The following DENND3 variants were observed in gnomAD, a reference collection of about 807,000 sequenced individuals.
DENND3 encodes the protein DENN domain-containing protein 3.
In DENND3, 88 loss-of-function variants were observed where a neutral mutation model predicts 135.1. The observed-to-expected ratio is 0.65, with a 90% CI of 0.55 to 0.78. DENND3 has a LOEUF of 0.78. Among genes scored for constraint, DENND3 ranks in the 30% least tolerant of loss-of-function variants. The probability of loss-of-function intolerance (pLI) is 0.00; values close to 1 mark genes in which losing one functional copy is unlikely to be tolerated. For missense variants in DENND3, 1,392 were observed against 1,688.4 expected (o/e 0.82, Z 3.08); for synonymous variants, 693 against 712.3 (o/e 0.97, Z 0.43).
chr8:141,185,076 A>G, intron 17 of DENND3, 63 bp from the exon 18 acceptor site: 1 of 1,563,848 alleles, frequency 6.4e-7, no homozygotes, highest in Non-Finnish European at 8.7e-7. Flanking sequence ...TAAGGGCACC[A>G]GTCACCTGCT....
rs1011960255 is a variant in DENND3, at chr8:141,147,600, G to A, written c.736-3234G>A. Among the ~76,000 whole-genome samples, 7 of 152,310 alleles carry A rather than the reference G, an allele frequency of 4.6e-5. No individual in the cohort carries two copies. The South Asian group carries it at 1.0e-3, about 23-fold the overall frequency. On this transcript the variant is annotated intron_variant, in intron 5 of 22. Coordinates refer to ENST00000519811, the MANE Select transcript of DENND3 (RefSeq NM_001352890.3). ...CTCTCAGCGGTCAGGTCTTCGGATC[G>A]TCTTCTCTGAGTGACCCCCACTCCC...
At chr8:141,160,101 G>A (rs997023529) in intron 8 of DENND3, among the ~76,000 whole-genome samples, 1 of 152,124 alleles carries the variant, frequency 6.6e-6, no homozygotes, top group African/African-American at 2.4e-5. Context: ...TGGGTGAAGT[G>A]TGCATAGTCC....
At chr8:141,140,361 C>T (rs750212155) in intron 3 of DENND3, among the ~76,000 whole-genome samples, 20 of 152,166 alleles carry the variant, frequency 1.3e-4, no homozygotes, top group East Asian at 3.8e-4. Flanking sequence ...CAGCCACGCG[C>T]GCGTGTGAGC....
At chr8:141,178,008 T>C in intron 15 of DENND3, 59 bp from the exon 16 acceptor site, 2 of 1,544,796 alleles carry the variant, frequency 1.3e-6, no homozygotes, top group Non-Finnish European at 1.8e-6. Flanking sequence ...CAACAAGGTC[T>C]CCGGTGAACT....
intron 1 of DENND3, among the ~76,000 whole-genome samples, chr8:141,132,716 G>C (rs760593413): frequency 1.1e-4 from 16 of 152,184 alleles, no homozygotes; most frequent in Non-Finnish European, 2.4e-4. Flanking sequence ...AAAGACAACA[G>C]AGATTTCATT....
chr8:141,175,779 G>A lies in DENND3; in HGVS notation c.2535+320G>A, dbSNP rs530308438. On this transcript the variant is annotated intron_variant, in intron 14 of 22. Transcript: ENST00000519811. This position sits in a 1 kb window ranked among gnomAD's most constrained non-coding sequence, Gnocchi z 5.4. ...ACATTCTCATTAGGGACAGTAGGACGCCTTCGTTCATCCATGAGATGTTTA... is the reference window on the plus strand; with the variant it reads ...ACATTCTCATTAGGGACAGTAGGACACCTTCGTTCATCCATGAGATGTTTA... 1.2e-4 allele frequency: 48 copies of A among 390,454 alleles called. No individual in the cohort carries two copies. The highest frequency in any genetic ancestry group is 8.1e-4 in the East Asian group (14 of 17,352). The allele number at this position is 390,454 out of a possible 1,614,324, so 24.2% of individuals were successfully genotyped here.
At chr8:141,177,876 C>A (rs1822599270) in intron 15 of DENND3, 191 bp from the exon 16 acceptor site, 2 of 695,452 alleles carry the variant, frequency 2.9e-6, no homozygotes, top group Admixed American at 3.6e-5. Context: ...CTGGTATAAA[C>A]AATCAATATT....
chr8:141,175,158 T>G lies in DENND3; in HGVS notation c.2276-42T>G. ...AGAAGCCCTTGGGGCTCCCGAGGTA[T>G]GTGGCTGTAAGATACCTCTCTTTTC... On this transcript the variant is annotated intron_variant, in intron 13 of 22. Coordinates refer to ENST00000519811, the MANE Select transcript of DENND3 (RefSeq NM_001352890.3). The surrounding 1 kb of genome is among the most constrained non-coding windows in gnomAD (Gnocchi z 5.4). 1.3e-6 allele frequency: 2 copies of G among 1,577,678 alleles called. No individual in the cohort carries two copies. Among genetic ancestry groups the G allele is most frequent in the African/African-American group, 1.4e-5 (1 of 73,726 alleles).
In DENND3 at chr8:141,182,482, T is replaced by G. The variant is rs1252512485; in HGVS notation, c.2944+1628T>G. 1 of 985,282 alleles carries G rather than the reference T, an allele frequency of 1.0e-6. No homozygotes were observed. Among genetic ancestry groups the G allele is most frequent in the Non-Finnish European group, 1.2e-6 (1 of 829,920 alleles). 61.0% of individuals were successfully genotyped at this position (985,282 alleles called of 1,614,324 possible). The stretch of plus-strand genomic sequence containing the variant: ...AGATACTTTGACCGTGGCATTTGAA[T>G]ACATGGTATTTTTAGGTCCCGGTTG... On this transcript the variant is annotated intron_variant, in intron 17 of 22. Transcript: ENST00000519811. This position sits in a 1 kb window ranked among gnomAD's most constrained non-coding sequence, Gnocchi z 5.9.
intron 16 of DENND3, among the ~76,000 whole-genome samples, chr8:141,178,418 C>T (rs1231463650): frequency 1.3e-5 from 2 of 152,228 alleles, no homozygotes; most frequent in Non-Finnish European, 2.9e-5. Context: ...AATTGAGGCA[C>T]CTCGTCGTTT....
chr8:141,171,608 C>T (rs528708289), intron 13 of DENND3, among the ~76,000 whole-genome samples: 8 of 152,300 alleles, frequency 5.3e-5, no homozygotes, highest in Admixed American at 3.9e-4. Flanking sequence ...TCTACGTGGG[C>T]GTGTGCAACA....
chr8:141,180,537 C>G (rs1031108805), intron 16 of DENND3, among the ~76,000 whole-genome samples: 2 of 152,116 alleles, frequency 1.3e-5, no homozygotes, highest in African/African-American at 4.8e-5. Flanking sequence ...CCTGGCCACT[C>G]ACTCGCACAC....
In DENND3 at chr8:141,137,877, G is replaced by A. The variant is rs191194553; in HGVS notation, c.386-145G>A. 85 of 724,806 alleles carry A rather than the reference G, an allele frequency of 1.2e-4. No individual in the cohort carries two copies. The highest frequency in any genetic ancestry group is 6.0e-5 in the Non-Finnish European group (27 of 448,278). The allele number at this position is 724,806 out of a possible 1,614,324, so 44.9% of individuals were successfully genotyped here. On this transcript the variant is annotated intron_variant, in intron 2 of 22. Transcript: ENST00000519811. The surrounding 1 kb of genome is among the most constrained non-coding windows in gnomAD (Gnocchi z 4.1). ...AGGATAGACGGCCGGAGGCGTGATC[G>A]GAAGAATGAACCCGCCTTGGACATG...
rs7839670 is a variant in DENND3, at chr8:141,137,002, C to T, written c.385+211C>T. On this transcript the variant is annotated intron_variant, in intron 2 of 22. Transcript: ENST00000519811. This position sits in a 1 kb window ranked among gnomAD's most constrained non-coding sequence, Gnocchi z 4.1. ...TATTTATTTATTTACTTTTTTGAGA[C>T]GGAGCGTCACTCTGTCACTCAGGCT... Among the ~76,000 whole-genome samples the T allele has an allele frequency of 8.5e-3, 1,286 of 152,002 alleles. 19 individuals carry two copies. Among genetic ancestry groups the T allele is most frequent in the African/African-American group, 0.027 (1,118 of 41,434 alleles).
chr8:141,165,270 A>T lies in DENND3; in HGVS notation c.1534A>T (p.Thr512Ser), dbSNP rs765973864. The T allele has an allele frequency of 6.2e-7, 1 of 1,614,040 alleles. No individual in the cohort carries two copies. Among genetic ancestry groups the T allele is most frequent in the Non-Finnish European group, 8.5e-7 (1 of 1,179,918 alleles). The change falls in exon 11 of 23, where the codon ACC (threonine) becomes TCC (serine). Residue 512 changes from threonine to serine, a missense_variant. Transcript: ENST00000519811. ...CGCCTTTGCTCAGATGGACCTCGAC[A>T]CCCAGTCGGAGGAGGACAGGTGCTT... is the stretch of plus-strand genomic sequence containing the variant. ...MDAFAQMDLDTQSEEDRINGM... is the reference protein window; with the variant it reads ...MDAFAQMDLDSQSEEDRINGM...
rs1817153331 is a variant in DENND3 at position 141,139,175 on chromosome 8, A to G, written c.501+1038A>G. Among the ~76,000 whole-genome samples the G allele has an allele frequency of 6.6e-6, 1 of 152,186 alleles. No homozygotes were observed. The highest frequency in any genetic ancestry group is 1.5e-5 in the Non-Finnish European group (1 of 68,040). ...CCATGAAGGGAAGTCTGTGAGTTCC[A>G]TGCAGTCGAGAGAAATGGCTGGCCT... On this transcript the variant is annotated intron_variant, in intron 3 of 22. Coordinates refer to ENST00000519811, the MANE Select transcript of DENND3 (RefSeq NM_001352890.3). This position sits in a 1 kb window ranked among gnomAD's most constrained non-coding sequence, Gnocchi z 4.2.
At chr8:141,156,640 C>CT (rs1198993934) in intron 8 of DENND3, among the ~76,000 whole-genome samples, 1 of 152,122 alleles carries the variant, frequency 6.6e-6, no homozygotes, top group Non-Finnish European at 1.5e-5. Flanking sequence ...TGGGCAGTGC[C>CT]TGTGTACTAA....
Position 141,146,801 on chromosome 8 carries a change from G to A in DENND3, c.735+2542G>A, listed in dbSNP as rs1818203241. Among the ~76,000 whole-genome samples, 1 of 152,162 alleles carries A rather than the reference G, an allele frequency of 6.6e-6. No homozygotes were observed. Among genetic ancestry groups the A allele is most frequent in the Admixed American group, 6.5e-5 (1 of 15,288 alleles). Reference sequence around the variant, plus strand: ...TTTGTAGGGCATGTTTATCGGCCGCGTGTTTTATGTGGATAGTTGGCATTT... The same window carrying A: ...TTTGTAGGGCATGTTTATCGGCCGCATGTTTTATGTGGATAGTTGGCATTT... On this transcript the variant is annotated intron_variant, in intron 5 of 22. Coordinates refer to ENST00000519811, the MANE Select transcript of DENND3 (RefSeq NM_001352890.3). This position sits in a 1 kb window ranked among gnomAD's most constrained non-coding sequence, Gnocchi z 4.3.
chr8:141,178,665 C>T lies in DENND3; in HGVS notation c.2836+469C>T, dbSNP rs1453041415. ...TGGCCTGTTGACTGACGGGCTTCAC[C>T]GCTGCATGAGTGAGGAGAGGCCCTG... On this transcript the variant is annotated intron_variant, in intron 16 of 22. Coordinates refer to ENST00000519811, the MANE Select transcript of DENND3 (RefSeq NM_001352890.3). 5.3e-5 allele frequency among the ~76,000 whole-genome samples: 8 copies of T among 152,312 alleles called. No individual in the cohort carries two copies. The East Asian group carries it at 5.8e-4, about 11-fold the overall frequency.
Sources: allele counts gnomAD v4.1 joint callset (sites outside exome capture counted in the v4.1 genomes callset), GRCh38; gene constraint gnomAD v4.1.1; non-coding constraint Gnocchi (gnomAD v3.1); transcripts MANE v1.5; gene names NCBI Gene and HGNC (gene_info 2026-07-23, HGNC 2026-07-21).